SMCO2: variants seen among roughly 807,000 people sequenced by gnomAD.
SMCO2 encodes the protein single-pass membrane protein with coiled-coil domains 2, also known as single-pass membrane and coiled-coil domain-containing protein 2.
Under a neutral mutation model 29.5 loss-of-function variants are expected in SMCO2, and 25 were observed. The ratio of observed to expected loss-of-function variants is 0.85; its 90% CI spans 0.62 to 1.18. SMCO2 has a LOEUF of 1.18. Among genes scored for constraint, SMCO2 ranks in the 50% most tolerant of loss-of-function variants. SMCO2 has a pLI of 0.00. For synonymous variants in SMCO2, 117 were observed against 123.3 expected, an observed-to-expected ratio of 0.95 and a Z score of 0.34; for missense variants, 348 against 344.5, an observed-to-expected ratio of 1.01 and a Z score of -0.08.
At chr12:27,467,205 G>T (rs1265104128) in intron 1 of SMCO2, among the ~76,000 whole-genome samples, 2 of 152,210 alleles carry the variant, frequency 1.3e-5, no homozygotes, top group Admixed American at 1.3e-4. Context: ...ATTGTTCCTT[G>T]TAACTGAAAC....
chr12:27,443,434 C>CCTTT, the SMCO2 span, among the ~76,000 whole-genome samples: 3 of 152,150 alleles, frequency 2.0e-5, no homozygotes, highest in Non-Finnish European at 2.9e-5. Context: ...AAATGGAAGG[C>CCTTT]CTTTCCTCTA....
intron 4 of SMCO2, 112 bp from the exon 6 acceptor site, chr12:27,488,348 A>G (rs1312980040): frequency 1.5e-6 from 1 of 650,160 alleles, no homozygotes; most frequent in East Asian, 3.2e-5. Context: ...AAGCACTACC[A>G]AAGCATCCTT....
At chr12:27,465,028 C>CAAAAAAAAAAAA (rs35630976), upstream of SMCO2, among the ~76,000 whole-genome samples, 1 of 60,558 alleles carries the variant, frequency 1.7e-5, no homozygotes, top group Non-Finnish European at 3.3e-5. Flanking sequence ...GACCCTGTCT[C>CAAAAAAAAAAAA]AAAAAAAAAA....
At chr12:27,431,560 A>G in the SMCO2 span, among the ~76,000 whole-genome samples, 2 of 152,144 alleles carry the variant, frequency 1.3e-5, no homozygotes, top group South Asian at 2.1e-4. Context: ...ATGTTCTTCC[A>G]TGTTGTACCA....
chr12:27,441,703 A>C, the SMCO2 span, among the ~76,000 whole-genome samples: 1 of 152,228 alleles, frequency 6.6e-6, no homozygotes, highest in East Asian at 1.9e-4. Context: ...AGTGGGGTTA[A>C]ATTACACACT....
the SMCO2 span, among the ~76,000 whole-genome samples, chr12:27,451,894 G>A: frequency 7.9e-5 from 12 of 152,128 alleles, no homozygotes; most frequent in Non-Finnish European, 1.6e-4. Context: ...ATCCTCCTGG[G>A]CCTGTCTTCC....
At chr12:27,490,133 G>C (rs956430739) in intron 5 of SMCO2, among the ~76,000 whole-genome samples, 1 of 152,142 alleles carries the variant, frequency 6.6e-6, no homozygotes, top group Non-Finnish European at 1.5e-5. Flanking sequence ...TTGTCATTTG[G>C]ATAAACTGCA....
chr12:27,454,661 G>A, the SMCO2 span, among the ~76,000 whole-genome samples: 1 of 152,144 alleles, frequency 6.6e-6, no homozygotes, highest in East Asian at 1.9e-4. Context: ...GTGCCATGGT[G>A]GTTTGCTGCA....
At chr12:27,449,007 C>T in the SMCO2 span, among the ~76,000 whole-genome samples, 2 of 152,156 alleles carry the variant, frequency 1.3e-5, no homozygotes, top group African/African-American at 2.4e-5. Flanking sequence ...ACTGCAGACT[C>T]AAGTGTATGT....
the SMCO2 span, among the ~76,000 whole-genome samples, chr12:27,449,216 T>G: frequency 1.4e-4 from 22 of 152,216 alleles, no homozygotes; most frequent in Non-Finnish European, 2.4e-4. Context: ...CGTTATTAGA[T>G]AAGCCGCAAA....
chr12:27,437,989 C>A, the SMCO2 span, among the ~76,000 whole-genome samples: 5 of 152,326 alleles, frequency 3.3e-5, no homozygotes, highest in African/African-American at 1.2e-4. Context: ...CCCTCCTCTT[C>A]ACAGTTGGGT....
chr12:27,486,449 G>A (rs1050870980), intron 4 of SMCO2, among the ~76,000 whole-genome samples: 9 of 152,160 alleles, frequency 5.9e-5, no homozygotes, highest in African/African-American at 2.2e-4. Flanking sequence ...AGGGATCCAC[G>A]TTCTGCACTG....
At chr12:27,500,235 T>C (rs929812697) in intron 7 of SMCO2, among the ~76,000 whole-genome samples, 3 of 150,460 alleles carry the variant, frequency 2.0e-5, no homozygotes, top group Non-Finnish European at 4.4e-5. Context: ...AAAACTTGTA[T>C]TGACTTGTAA....
intron 4 of SMCO2, among the ~76,000 whole-genome samples, chr12:27,477,722 TTA>T (rs201971073): frequency 0.023 from 3,484 of 151,088 alleles, 133 homozygotes; most frequent in African/African-American, 0.081. Flanking sequence ...ATCTAGTCTA[TTA>T]TTTCAGCTCT....
the SMCO2 span, among the ~76,000 whole-genome samples, chr12:27,455,991 C>G: frequency 6.6e-6 from 1 of 152,206 alleles, no homozygotes; most frequent in African/African-American, 2.4e-5. Context: ...GGGTGGATCC[C>G]AAAATCCTGA....
At chr12:27,424,283 C>A in the SMCO2 span, 1 of 152,126 alleles carries the variant, frequency 6.6e-6, no homozygotes, top group Non-Finnish European at 1.5e-5. Context: ...ATTTATTGAT[C>A]CTTGAATCTG....
At chr12:27,436,380 G>A in the SMCO2 span, among the ~76,000 whole-genome samples, 1 of 152,110 alleles carries the variant, frequency 6.6e-6, no homozygotes, top group African/African-American at 2.4e-5. Context: ...GGGGATGGGT[G>A]GGAACCATAT....
chr12:27,435,967 A>G, the SMCO2 span, among the ~76,000 whole-genome samples: 1 of 152,218 alleles, frequency 6.6e-6, no homozygotes, highest in African/African-American at 2.4e-5. Context: ...TTTATTTCAC[A>G]CAGTCTGGAG....
In SMCO2 at chr12:27,495,872, G is replaced by A. The variant is rs1340565576; in HGVS notation, c.683+17G>A. 4 of 1,425,842 alleles carry A rather than the reference G, an allele frequency of 2.8e-6. No homozygotes were observed. Among genetic ancestry groups the A allele is most frequent in the Admixed American group, 4.4e-5 (2 of 45,620 alleles). 88.3% of individuals were successfully genotyped at this position (1,425,842 alleles called of 1,614,324 possible). On this transcript the variant is annotated intron_variant, in intron 7 of 7. Transcript: ENST00000298876. Reference sequence around the variant, plus strand: ...TACAGCATGGTAAGTCAGAGCAAGAGGCCATTCAGGGCTGGATGACTGCCC... The same window carrying A: ...TACAGCATGGTAAGTCAGAGCAAGAAGCCATTCAGGGCTGGATGACTGCCC...
Sources: allele counts gnomAD v4.1 joint callset (sites outside exome capture counted in the v4.1 genomes callset), GRCh38; gene constraint gnomAD v4.1.1; transcripts MANE v1.5; gene names NCBI Gene and HGNC (gene_info 2026-07-23, HGNC 2026-07-21).